Variants in MOB3B observed in about 807,000 individuals in gnomAD.
The protein encoded by MOB3B is MOB kinase activator-like 2B.
In MOB3B, 7 loss-of-function variants were observed where a neutral mutation model predicts 18.7. That is an observed-to-expected ratio of 0.37 (90% CI 0.21 to 0.70). The LOEUF is 0.70. Ranked by LOEUF, MOB3B falls within the 30% of genes least tolerant of loss-of-function variation. The probability of loss-of-function intolerance (pLI) is 0.52; values close to 1 mark genes in which losing one functional copy is unlikely to be tolerated. For missense variants in MOB3B, 253 were observed against 281.3 expected (o/e 0.90, Z 0.72); for synonymous variants, 111 against 99.9 (o/e 1.11, Z -0.66).
chr9:27,372,237 A>G (rs1157927651), intron 2 of MOB3B, among the ~76,000 whole-genome samples: 2 of 152,234 alleles, frequency 1.3e-5, no homozygotes, highest in Non-Finnish European at 2.9e-5. Flanking sequence ...GCCAACCTGA[A>G]AGAGCTCCGG....
rs76901296 is a variant in MOB3B at position 27,505,291 on chromosome 9, G to C, written c.-199+24264C>G. 2.4e-3 allele frequency among the ~76,000 whole-genome samples: 368 copies of C among 152,226 alleles called. 2 individuals carry two copies. The highest frequency in any genetic ancestry group is 8.6e-3 in the African/African-American group (357 of 41,536). On this transcript the variant is annotated intron_variant, in intron 1 of 3. Transcript: ENST00000262244. The stretch of plus-strand genomic sequence containing the variant: ...TCTGTGTCCGTACCTAGACCTCCCC[G>C]GGAAAGGGCAAGAGTGAAGGAATGA...
chr9:27,443,986 C>A (rs996526748), intron 2 of MOB3B, among the ~76,000 whole-genome samples: 12 of 152,190 alleles, frequency 7.9e-5, no homozygotes, highest in African/African-American at 2.9e-4. Flanking sequence ...ACAGCATGTT[C>A]TCTCTGAGCC....
At position 27,326,449 on chromosome 9, in the gene MOB3B, G is replaced by C. The variant is rs781618589; in HGVS notation, c.*4138C>G. On this transcript the variant is annotated 3_prime_UTR_variant, in exon 4 of 4. Coordinates refer to ENST00000262244, the MANE Select transcript of MOB3B (RefSeq NM_024761.5). ...TTTCTAAAAGTGGGACACTAGAAAA[G>C]ATATACTGAAACTCAAAAAGAATAC... 7.5e-6 allele frequency: 3 copies of C among 398,442 alleles called. No individual in the cohort carries two copies. The highest frequency in any genetic ancestry group is 1.3e-5 in the Non-Finnish European group (3 of 226,044). 24.7% of individuals were successfully genotyped at this position (398,442 alleles called of 1,614,324 possible).
chr9:27,365,641 T>C (rs1382408252), intron 2 of MOB3B, among the ~76,000 whole-genome samples: 1 of 152,178 alleles, frequency 6.6e-6, no homozygotes, highest in Non-Finnish European at 1.5e-5. Flanking sequence ...ACTCAGAACA[T>C]GCCCTTCTCT....
chr9:27,505,970 T>C (rs111865443), intron 1 of MOB3B, among the ~76,000 whole-genome samples: 10 of 152,352 alleles, frequency 6.6e-5, no homozygotes, highest in African/African-American at 2.4e-4. Flanking sequence ...GCTTTTACCT[T>C]TCTCTCTCTT....
intron 1 of MOB3B, among the ~76,000 whole-genome samples, chr9:27,481,507 T>TTG (rs147244598): frequency 0.44 from 45,121 of 102,204 alleles, 7,415 homozygotes; most frequent in Admixed American, 0.5. Context: ...GTTTTTTTTT[T>TTG]TTTGTTTTTT....
intron 1 of MOB3B, among the ~76,000 whole-genome samples, chr9:27,509,562 A>T (rs1176801603): frequency 6.9e-6 from 1 of 145,498 alleles, no homozygotes; most frequent in African/African-American, 2.6e-5. Context: ...AATTACAGGC[A>T]TGCACCACCA....
chr9:27,346,169 C>T (rs4446820), intron 3 of MOB3B, among the ~76,000 whole-genome samples: 145,717 of 152,280 alleles, frequency 0.96, 70,061 homozygotes, highest in East Asian at 1. Flanking sequence ...GAGAAGGCAC[C>T]ATCTTTCAGG....
At chr9:27,361,630 C>T (rs1314033126) in intron 2 of MOB3B, among the ~76,000 whole-genome samples, 1 of 152,208 alleles carries the variant, frequency 6.6e-6, no homozygotes, top group Non-Finnish European at 1.5e-5. Flanking sequence ...CAAGCCCTAT[C>T]TATAGATTAG....
At chr9:27,524,962 G>T (rs1376153812) in intron 1 of MOB3B, 5 of 1,560,988 alleles carry the variant, frequency 3.2e-6, no homozygotes, top group Non-Finnish European at 4.3e-6. Context: ...AGGAAATAAG[G>T]TATATTTTTG....
intron 1 of MOB3B, among the ~76,000 whole-genome samples, chr9:27,482,200 C>T (rs141433723): frequency 4.0e-4 from 61 of 152,284 alleles, no homozygotes; most frequent in African/African-American, 1.3e-3. Context: ...CCCTGTTCAA[C>T]CTTATCATTT....
chr9:27,446,236 C>CTT (rs34658068), intron 2 of MOB3B, among the ~76,000 whole-genome samples: 5,451 of 151,120 alleles, frequency 0.036, 297 homozygotes, highest in African/African-American at 0.12. Flanking sequence ...GGGAATACAT[C>CTT]TTTTTTTTTA....
intron 1 of MOB3B, among the ~76,000 whole-genome samples, chr9:27,456,582 C>T (rs1822724): frequency 0.15 from 22,890 of 152,220 alleles, 1,829 homozygotes; most frequent in African/African-American, 0.18. Context: ...CAAAGCCTTA[C>T]TGTATTTCAG....
At chr9:27,395,311 C>T (rs1821783091) in intron 2 of MOB3B, among the ~76,000 whole-genome samples, 1 of 152,120 alleles carries the variant, frequency 6.6e-6, no homozygotes, top group Admixed American at 6.5e-5. Context: ...TAAATGTTCT[C>T]ACCACAAAAA....
chr9:27,447,052 C>T (rs1822703161), intron 2 of MOB3B, among the ~76,000 whole-genome samples: 1 of 152,052 alleles, frequency 6.6e-6, no homozygotes, highest in Non-Finnish European at 1.5e-5. Context: ...CTGCAGAGAC[C>T]TTTGCAGATA....
chr9:27,459,145 C>T (rs1311202690), intron 1 of MOB3B, among the ~76,000 whole-genome samples: 1 of 152,034 alleles, frequency 6.6e-6, no homozygotes, highest in Non-Finnish European at 1.5e-5. Flanking sequence ...GGCGCAGGTA[C>T]CTGAGAGTTT....
At chr9:27,523,739 CA>C (rs942449682) in intron 1 of MOB3B, among the ~76,000 whole-genome samples, 7 of 152,012 alleles carry the variant, frequency 4.6e-5, no homozygotes, top group Non-Finnish European at 7.4e-5. Context: ...CCAGAAAAAT[CA>C]AAAAGAGAAA....
rs2131449819 is a variant in MOB3B, at chr9:27,455,497, C to T, written c.54G>A (p.Lys18=). 6.2e-7 allele frequency: 1 copy of T among 1,614,190 alleles called. No homozygotes were observed. Among genetic ancestry groups the T allele is most frequent in the Non-Finnish European group, 8.5e-7 (1 of 1,180,018 alleles). ...VFNKDKTFRP[K]RKFEPGTQRF... is the part of the protein sequence containing the mutation. ...TCTGTGTGCCAGGTTCAAATTTCCT[C>T]TTGGGTCGGAAGGTCTTGTCCTTGT... The change falls in exon 2 of 4, where the codon AAG becomes AAA. Residue 18 remains lysine, a synonymous_variant. Coordinates refer to ENST00000262244, the MANE Select transcript of MOB3B (RefSeq NM_024761.5).
chr9:27,470,978 C>CT (rs201847980), intron 1 of MOB3B, among the ~76,000 whole-genome samples: 77 of 152,170 alleles, frequency 5.1e-4, no homozygotes, highest in East Asian at 4.1e-3. Flanking sequence ...GTGGTGGCTG[C>CT]TGAAGGAAAA....
Sources: gnomAD v4.1 joint callset for allele counts (sites outside exome capture counted in the v4.1 genomes callset) on GRCh38, gnomAD v4.1.1 for gene constraint, MANE v1.5 for transcripts, NCBI Gene and HGNC (gene_info 2026-07-23, HGNC 2026-07-21) for gene names.